Variants in FBXL5 observed in about 807,000 individuals in gnomAD.
FBXL5 encodes the protein F-box/LRR-repeat protein 5.
A neutral mutation model predicts 78.3 loss-of-function variants in FBXL5; 26 were observed. That is an observed-to-expected ratio of 0.33 (90% CI 0.24 to 0.46). The LOEUF (loss-of-function observed/expected upper bound fraction) is 0.46. FBXL5 is among the 20% of genes least tolerant of loss of function. The pLI, the probability that FBXL5 is intolerant of heterozygous loss-of-function variation, is 1.00. For synonymous variants in FBXL5, 295 were observed against 282.5 expected (o/e 1.04, Z -0.45); for missense variants, 710 against 829.2 (o/e 0.86, Z 1.77).
At chr4:15,645,044 G>A (rs894946668) in intron 1 of FBXL5, among the ~76,000 whole-genome samples, 1 of 151,978 alleles carries the variant, frequency 6.6e-6, no homozygotes, top group African/African-American at 2.4e-5. Context: ...ATACAGGCAG[G>A]CAGAAATTTT....
intron 9 of FBXL5, among the ~76,000 whole-genome samples, chr4:15,617,308 G>A (rs1310885406): frequency 2.0e-5 from 3 of 152,116 alleles, no homozygotes; most frequent in Non-Finnish European, 4.4e-5. Context: ...TCGGGAGGCC[G>A]AGGCAGGTGG....
In FBXL5 at chr4:15,632,311, C is replaced by T. The variant is rs187790117; in HGVS notation, c.767-1520G>A. On this transcript the variant is annotated intron_variant, in intron 5 of 10. Transcript: ENST00000341285. ...TACCAGTACCATGCTGTTTTGGTTACTGTAGCCTTGTAGTATAGTTTGAGG... is the reference window on the plus strand; with the variant it reads ...TACCAGTACCATGCTGTTTTGGTTATTGTAGCCTTGTAGTATAGTTTGAGG... 5.3e-5 allele frequency among the ~76,000 whole-genome samples: 8 copies of T among 152,288 alleles called. No homozygotes were observed. In the East Asian group the frequency reaches 1.5e-3, roughly 29 times the overall value.
At chr4:15,669,290 T>C (rs1247264188) in intron 1 of FBXL5, among the ~76,000 whole-genome samples, 1 of 152,170 alleles carries the variant, frequency 6.6e-6, no homozygotes, top group African/African-American at 2.4e-5. Flanking sequence ...CTGTAGGCAA[T>C]TGTAACACAA....
At position 15,625,945 on chromosome 4, in the gene FBXL5, C is replaced by T. The variant is rs144046392; in HGVS notation, c.1157G>A (p.Arg386Gln). 1.3e-4 allele frequency: 200 copies of T among 1,598,376 alleles called. 1 individual carries two copies. The Middle Eastern group carries it at 1.7e-3, about 13-fold the overall frequency. ...WSWLGCCQSL[R>Q]HLDLSGCEKI... is the part of the protein sequence containing the mutation. ...CTCACAACCAGACAGATCAAGATGC[C>T]GAAGACTCTGGCAGCAACCAAGCCA... The change falls in exon 9 of 11, where the codon CGG (arginine) becomes CAG (glutamine). Residue 386 changes from arginine (R) to glutamine (Q), a missense_variant. Transcript: ENST00000341285.
intron 9 of FBXL5, among the ~76,000 whole-genome samples, chr4:15,624,600 TAA>T (rs61627875): frequency 1.2e-3 from 153 of 130,140 alleles, no homozygotes; most frequent in Non-Finnish European, 1.1e-3. Context: ...TCTAGGAGGT[TAA>T]AAAAAAAAAA....
intron 5 of FBXL5, 200 bp downstream of exon 5, chr4:15,636,294 T>C (rs542573254): frequency 2.3e-6 from 1 of 428,834 alleles, no homozygotes; most frequent in South Asian, 6.6e-5. Context: ...TTTTTTTAAT[T>C]ACAGACATCA....
intron 9 of FBXL5, among the ~76,000 whole-genome samples, chr4:15,621,686 A>G (rs1422383318): frequency 1.3e-5 from 2 of 152,232 alleles, no homozygotes; most frequent in African/African-American, 4.8e-5. Context: ...AAAAATTTAG[A>G]TAAGAGGCTA....
intron 3 of FBXL5, among the ~76,000 whole-genome samples, chr4:15,640,003 A>G (rs1323977422): frequency 6.6e-6 from 1 of 152,138 alleles, no homozygotes; most frequent in African/African-American, 2.4e-5. Flanking sequence ...ATTCAATGAT[A>G]CCCTAATACA....
chr4:15,609,575 A>G (rs897861049), intron 10 of FBXL5, among the ~76,000 whole-genome samples: 2 of 152,072 alleles, frequency 1.3e-5, no homozygotes, highest in Non-Finnish European at 2.9e-5. Flanking sequence ...TTATACATAC[A>G]TTGAAATGCA....
intron 9 of FBXL5, among the ~76,000 whole-genome samples, chr4:15,617,755 G>T (rs867971744): frequency 2.6e-5 from 4 of 152,170 alleles, no homozygotes; most frequent in Middle Eastern, 3.4e-3. Flanking sequence ...GCAGCTAAAC[G>T]ATCAGAACAC....
chr4:15,625,442 C>T lies in FBXL5; in HGVS notation c.1660G>A (p.Gly554Arg), dbSNP rs761170805. Residue 554 changes from glycine (G) to arginine (R), a missense_variant, in exon 9 of 11, where the codon GGA becomes AGA. Gly to Arg is a moderately radical substitution (Grantham distance 125). Transcript: ENST00000341285. ...GATGACATAGTTCTTAAAGCTGTTC[C>T]TGTACAACAAAATGAGTGACCACAA... Reference protein sequence around the residue: ...AYCGHSFCCTGTALRTMSSLP... With the variant: ...AYCGHSFCCTRTALRTMSSLP... The T allele has an allele frequency of 3.1e-6, 5 of 1,614,056 alleles. No homozygotes were observed. Among genetic ancestry groups the T allele is most frequent in the South Asian group, 1.1e-5 (1 of 91,066 alleles).
intron 1 of FBXL5, among the ~76,000 whole-genome samples, chr4:15,674,059 C>A (rs73243126): frequency 0.09 from 13,737 of 152,186 alleles, 787 homozygotes; most frequent in Non-Finnish European, 0.13. Context: ...AAAATTGATA[C>A]ATTCAAGGAA....
At chr4:15,662,758 A>T (rs1717372204), upstream of FBXL5, among the ~76,000 whole-genome samples, 7 of 152,350 alleles carry the variant, frequency 4.6e-5, no homozygotes, top group South Asian at 1.5e-3. Context: ...GGTAGCTGAT[A>T]CTATAGTAAG....
rs774860098 is a variant in FBXL5 at position 15,655,192 on chromosome 4, G to A, written c.84+12C>T. 1.6e-4 allele frequency: 226 copies of A among 1,400,870 alleles called. No individual in the cohort carries two copies. Among genetic ancestry groups the A allele is most frequent in the Non-Finnish European group, 1.6e-4 (164 of 1,052,776 alleles). 86.8% of individuals were successfully genotyped at this position (1,400,870 alleles called of 1,614,324 possible). On this transcript the variant is annotated intron_variant, in intron 1 of 10. Transcript: ENST00000341285. ...CGCACCGCCCACAGCGGGAGGCTCA[G>A]CGCTCCGTTACCTTGTCGCAGTAGA...
chr4:15,624,270 C>T (rs1340678631), intron 9 of FBXL5, among the ~76,000 whole-genome samples: 2 of 152,052 alleles, frequency 1.3e-5, no homozygotes, highest in Non-Finnish European at 2.9e-5. Flanking sequence ...CAAAGATAAT[C>T]GATTACTGCA....
In FBXL5 at chr4:15,655,219, C is replaced by A; in HGVS notation, c.69G>T (p.Gly23=). ...APHWRMKQLV[G]LYCDKLSKTN... Reference sequence around the variant, plus strand: ...GCTCCGTTACCTTGTCGCAGTAGAGCCCCACCAGCTGCTTCATCCGCCAGT... The same window carrying A: ...GCTCCGTTACCTTGTCGCAGTAGAGACCCACCAGCTGCTTCATCCGCCAGT... The change falls in exon 1 of 11, where the codon GGG becomes GGT. Residue 23 remains glycine, a synonymous_variant. Transcript: ENST00000341285. The A allele has an allele frequency of 7.0e-7, 1 of 1,434,314 alleles. No homozygotes were observed. Among genetic ancestry groups the A allele is most frequent in the Non-Finnish European group, 9.3e-7 (1 of 1,073,150 alleles). The allele number at this position is 1,434,314 out of a possible 1,614,324, so 88.8% of individuals were successfully genotyped here.
At chr4:15,626,796 T>C in intron 8 of FBXL5, 77 bp downstream of exon 8, 2 of 1,017,224 alleles carry the variant, frequency 2.0e-6, no homozygotes, top group Non-Finnish European at 1.4e-6. Flanking sequence ...AATAATAGTA[T>C]GATTAAACTG....
intron 9 of FBXL5, among the ~76,000 whole-genome samples, chr4:15,622,888 G>C (rs1011204159): frequency 6.6e-6 from 1 of 152,056 alleles, no homozygotes; most frequent in Admixed American, 6.6e-5. Context: ...TTCTTTTCAA[G>C]AATACCTCAC....
chr4:15,637,543 T>G (rs946679525), intron 4 of FBXL5, among the ~76,000 whole-genome samples: 1 of 152,160 alleles, frequency 6.6e-6, no homozygotes, highest in African/African-American at 2.4e-5. Flanking sequence ...GCCAAATATT[T>G]TAAATATAAT....
Sources: gnomAD v4.1 joint callset for allele counts (sites outside exome capture counted in the v4.1 genomes callset) on GRCh38, gnomAD v4.1.1 for gene constraint, MANE v1.5 for transcripts, NCBI Gene and HGNC (gene_info 2026-07-23, HGNC 2026-07-21) for gene names.